WDR36: variants seen among roughly 807,000 people sequenced by gnomAD.
The protein encoded by WDR36 is WD repeat-containing protein 36.
A neutral mutation model predicts 112.7 loss-of-function variants in WDR36; 63 were observed. The observed-to-expected ratio is 0.56, with a 90% confidence interval of 0.46 to 0.69. The LOEUF (loss-of-function observed/expected upper bound fraction) is 0.69, where lower values mean the gene tolerates loss of function less well. WDR36 is among the 30% of genes least tolerant of loss of function. The pLI, the probability that WDR36 is intolerant of heterozygous loss-of-function variation, is 0.00. For missense variants in WDR36, 1,226 were observed against 1,070.3 expected (o/e 1.15, Z -2.03); for synonymous variants, 410 against 362.2 (o/e 1.13, Z -1.50).
chr5:111,129,510 CAT>C lies in WDR36; in HGVS notation c.*2631_*2632del, dbSNP rs1316147353. On this transcript the variant is annotated 3_prime_UTR_variant, in exon 23 of 23. Coordinates refer to ENST00000513710, the MANE Select transcript of WDR36 (RefSeq NM_139281.3). ...ATATTTTTGTATGTTTATTTTAGAA[CAT>C]ATAAACATTTGTTAATTTTCTTTTT... 2.6e-5 allele frequency: 5 copies of C among 195,010 alleles called. No homozygotes were observed. Among genetic ancestry groups the C allele is most frequent in the Non-Finnish European group, 5.3e-5 (5 of 93,756 alleles). The allele number at this position is 195,010 out of a possible 1,614,324, so 12.1% of individuals were successfully genotyped here.
intron 16 of WDR36, among the ~76,000 whole-genome samples, chr5:111,115,785 G>A (rs1393494705): frequency 1.3e-5 from 2 of 152,146 alleles, no homozygotes; most frequent in Non-Finnish European, 2.9e-5. Flanking sequence ...AAAGTTTCCT[G>A]TAAAGTTTTT....
chr5:111,125,501 T>A, intron 21 of WDR36, 107 bp from the exon 22 acceptor site: 3 of 1,186,004 alleles, frequency 2.5e-6, no homozygotes, highest in Non-Finnish European at 3.6e-6. Context: ...CAGGAAGAAT[T>A]TCCTGTACCA....
chr5:111,096,173 G>A (rs1752974318), intron 2 of WDR36, among the ~76,000 whole-genome samples: 1 of 152,192 alleles, frequency 6.6e-6, no homozygotes, highest in South Asian at 2.1e-4. Context: ...AAAGGTCAGT[G>A]TGACCAGGAT....
At chr5:111,099,579 A>G (rs1222902721) in intron 4 of WDR36, among the ~76,000 whole-genome samples, 2 of 149,368 alleles carry the variant, frequency 1.3e-5, no homozygotes, top group Non-Finnish European at 3.0e-5. Flanking sequence ...GCTCAAGTAG[A>G]GGGAGGGAAC....
chr5:111,118,185 A>G (rs1753494780), intron 16 of WDR36, among the ~76,000 whole-genome samples: 1 of 146,970 alleles, frequency 6.8e-6, no homozygotes, highest in Admixed American at 6.7e-5. Flanking sequence ...CTTATGCTTA[A>G]TGGTCCTACA....
chr5:111,111,433 A>T lies in WDR36; in HGVS notation c.1716+155A>T, dbSNP rs113778332. 914 of 672,470 alleles carry T rather than the reference A, an allele frequency of 1.4e-3. 5 individuals are homozygous for T. Among genetic ancestry groups the T allele is most frequent in the African/African-American group, 8.9e-3 (487 of 54,756 alleles). The allele number at this position is 672,470 out of a possible 1,614,324, so 41.7% of individuals were successfully genotyped here. On this transcript the variant is annotated intron_variant, in intron 15 of 22. Transcript: ENST00000513710. Reference sequence around the variant, plus strand: ...TTTTAAAGGAAAATTTTGAATTAAAAGTTTAATATTTTTCAGGGAGTTGAT... The same window carrying T: ...TTTTAAAGGAAAATTTTGAATTAAATGTTTAATATTTTTCAGGGAGTTGAT...
chr5:111,104,873 C>A (rs1252424264), intron 9 of WDR36, 56 bp downstream of exon 9: 1 of 1,606,390 alleles, frequency 6.2e-7, no homozygotes, highest in African/African-American at 1.3e-5. Flanking sequence ...GATGTGGGTG[C>A]CCAGTATGAG....
In WDR36 at chr5:111,102,355, T is replaced by C; in HGVS notation, c.553T>C (p.Tyr185His). The C allele has an allele frequency of 1.9e-6, 3 of 1,610,258 alleles. No individual in the cohort carries two copies. The highest frequency in any genetic ancestry group is 2.5e-6 in the Non-Finnish European group (3 of 1,177,576). ...LWNVKSNKLLYTFPGWKVGVT... is the reference protein window; with the variant it reads ...LWNVKSNKLLHTFPGWKVGVT... ...TTTTTCTTCTTGTAGTAAACTTCTATATACATTTCCAGGATGGAAAGTTGG... is the reference window on the plus strand; with the variant it reads ...TTTTTCTTCTTGTAGTAAACTTCTACATACATTTCCAGGATGGAAAGTTGG... The change falls in exon 6 of 23, where the codon TAT (tyrosine) becomes CAT (histidine). Residue 185 changes from tyrosine to histidine, a missense_variant. Tyr to His is a moderately conservative substitution (Grantham distance 83, BLOSUM62 2). Coordinates refer to ENST00000513710, the MANE Select transcript of WDR36 (RefSeq NM_139281.3).
At chr5:111,116,730 C>T (rs1301333364) in intron 16 of WDR36, among the ~76,000 whole-genome samples, 1 of 152,108 alleles carries the variant, frequency 6.6e-6, no homozygotes, top group Non-Finnish European at 1.5e-5. Context: ...ATGTGGAAAC[C>T]ACCTTCCTCA....
At position 111,127,572 on chromosome 5, in the gene WDR36, T is replaced by A. The variant is rs1753699115; in HGVS notation, c.*689T>A. The A allele has an allele frequency of 4.7e-6, 1 of 210,908 alleles. No homozygotes were observed. Among genetic ancestry groups the A allele is most frequent in the South Asian group, 1.9e-4 (1 of 5,354 alleles). The allele number at this position is 210,908 out of a possible 1,614,324, so 13.1% of individuals were successfully genotyped here. Reference sequence around the variant, plus strand: ...GGAATCAGGCTAAAGTCTGCTGGTATTTCAGTGACAGATTAAAACTTTCTA... The same window carrying A: ...GGAATCAGGCTAAAGTCTGCTGGTAATTCAGTGACAGATTAAAACTTTCTA... On this transcript the variant is annotated 3_prime_UTR_variant, in exon 23 of 23. Transcript: ENST00000513710.
chr5:111,121,664 G>A (rs143924421), intron 19 of WDR36, among the ~76,000 whole-genome samples: 4 of 152,272 alleles, frequency 2.6e-5, no homozygotes, highest in Non-Finnish European at 5.9e-5. Flanking sequence ...TACCTGGAGA[G>A]TATGGTGGTG....
chr5:111,113,010 T>G (rs1384038142), intron 15 of WDR36, 64 bp from the exon 16 acceptor site: 4 of 355,746 alleles, frequency 1.1e-5, no homozygotes, highest in East Asian at 1.7e-4. Flanking sequence ...CATACAAATA[T>G]ATTCATATAT....
chr5:111,107,291 T>C lies in WDR36; in HGVS notation c.1181-3T>C. The C allele has an allele frequency of 6.2e-7, 1 of 1,609,246 alleles. No individual in the cohort carries two copies. The highest frequency in any genetic ancestry group is 8.5e-7 in the Non-Finnish European group (1 of 1,176,954). ...TTGATTTATGATTTTCATTACGTTT[T>C]AGAGGAAGCTCGTGAAAGTGACTGG... is the stretch of plus-strand genomic sequence containing the variant. On this transcript the variant is annotated splice_polypyrimidine_tract_variant and splice_region_variant and intron_variant, in intron 11 of 22. Coordinates refer to ENST00000513710, the MANE Select transcript of WDR36 (RefSeq NM_139281.3).
At position 111,113,147 on chromosome 5, in the gene WDR36, C is replaced by T; in HGVS notation, c.1790C>T (p.Ser597Phe). 6.3e-7 allele frequency: 1 copy of T among 1,582,320 alleles called. No homozygotes were observed. Among genetic ancestry groups the T allele is most frequent in the Admixed American group, 1.7e-5 (1 of 59,092 alleles). Reference sequence around the variant, plus strand: ...TCTATTAGGACTTGGGACCTTCCTTCTGGGTGGTAAGTTTATATTTCTAAT... The same window carrying T: ...TCTATTAGGACTTGGGACCTTCCTTTTGGGTGGTAAGTTTATATTTCTAAT... ...DCSIRTWDLP[S>F]GCLIDCFLLD... is the part of the protein sequence containing the mutation. The change falls in exon 16 of 23, where the codon TCT becomes TTT. Residue 597 changes from serine to phenylalanine, a missense_variant. Physicochemically the swap from Ser to Phe is radical, Grantham distance 155. Transcript: ENST00000513710.
chr5:111,118,959 T>A lies in WDR36; in HGVS notation c.1797-54T>A. On this transcript the variant is annotated intron_variant, in intron 16 of 22. Transcript: ENST00000513710. ...TTTTGGCAAAAATATTTTTGTGAAT[T>A]ATCTCCTTTTTGGTAGAGTTCAAAT... 4 of 1,437,774 alleles carry A rather than the reference T, an allele frequency of 2.8e-6. No homozygotes were observed. The South Asian group carries it at 4.6e-5, about 16-fold the overall frequency. 89.1% of individuals were successfully genotyped at this position (1,437,774 alleles called of 1,614,324 possible).
At chr5:111,123,012 G>A (rs1444822651) in intron 19 of WDR36, among the ~76,000 whole-genome samples, 2 of 152,092 alleles carry the variant, frequency 1.3e-5, no homozygotes, top group African/African-American at 4.8e-5. Context: ...AGGAGGCTGA[G>A]GCAGGAGAAT....
rs17553055 is a variant in WDR36 at position 111,104,304 on chromosome 5, C to G, written c.858C>G (p.Leu286=). The G allele has an allele frequency of 3.7e-6, 6 of 1,611,924 alleles. No homozygotes were observed. The South Asian group carries it at 5.5e-5, about 15-fold the overall frequency. The stretch of plus-strand genomic sequence containing the variant: ...CAGCAATTGCCGGACTGACATTTCT[C>G]CATAGAGAGCCACTTCTTGTCACAA... ...HSTAIAGLTF[L]HREPLLVTNG... The change falls in exon 8 of 23, where the codon CTC becomes CTG. Residue 286 remains leucine (L), a synonymous_variant. Coordinates refer to ENST00000513710, the MANE Select transcript of WDR36 (RefSeq NM_139281.3).
chr5:111,111,222 G>A lies in WDR36; in HGVS notation c.1660G>A (p.Glu554Lys). The part of the protein sequence containing the change: ...DDFSISVLDI[E>K]TRKIVREFSG... ...CTTCTCCATTAGTGTTCTGGACATA[G>A]AAACTAGGAAGATTGTCAGAGAGTT... The change falls in exon 15 of 23, where the codon GAA becomes AAA. Residue 554 changes from glutamate to lysine, a missense_variant. Coordinates refer to ENST00000513710, the MANE Select transcript of WDR36 (RefSeq NM_139281.3). 1 of 1,611,888 alleles carries A rather than the reference G, an allele frequency of 6.2e-7. No individual in the cohort carries two copies. Among genetic ancestry groups the A allele is most frequent in the Non-Finnish European group, 8.5e-7 (1 of 1,178,300 alleles).
chr5:111,121,771 T>C (rs1014759064), intron 19 of WDR36, among the ~76,000 whole-genome samples: 3 of 152,180 alleles, frequency 2.0e-5, no homozygotes, highest in Admixed American at 1.3e-4. Flanking sequence ...GTATGTTTTA[T>C]GATCCCCCAC....
Sources: gnomAD v4.1 joint callset for allele counts (sites outside exome capture counted in the v4.1 genomes callset) on GRCh38, gnomAD v4.1.1 for gene constraint, MANE v1.5 for transcripts, NCBI Gene and HGNC (gene_info 2026-07-23, HGNC 2026-07-21) for gene names.